The following SLC35D4 variants were observed in gnomAD, a reference collection of about 807,000 sequenced individuals.
SLC35D4 encodes the protein solute carrier family 35 member D4.
the SLC35D4 span, among the ~76,000 whole-genome samples, chr18:23,357,312 A>T: frequency 1.3e-5 from 2 of 152,154 alleles, no homozygotes. Context: ...TTGTGAAGTA[A>T]GTTCATTCTT....
the SLC35D4 span, among the ~76,000 whole-genome samples, chr18:23,410,932 T>G: frequency 3.9e-5 from 6 of 152,106 alleles, no homozygotes; most frequent in African/African-American, 1.4e-4. Flanking sequence ...AGGAACAAAC[T>G]AGGCACATGC....
chr18:23,301,565 GA>G, the SLC35D4 span, among the ~76,000 whole-genome samples: 5 of 152,326 alleles, frequency 3.3e-5, no homozygotes, highest in African/African-American at 1.2e-4. Context: ...CCTCATGGCT[GA>G]TAAACAGCGA....
the SLC35D4 span, among the ~76,000 whole-genome samples, chr18:23,399,930 G>T: frequency 6.6e-6 from 1 of 152,314 alleles, no homozygotes; most frequent in South Asian, 2.1e-4. Flanking sequence ...AACAGATCTG[G>T]TTTTTTCCAA....
chr18:23,369,882 C>T, the SLC35D4 span, among the ~76,000 whole-genome samples: 1 of 152,168 alleles, frequency 6.6e-6, no homozygotes, highest in African/African-American at 2.4e-5. Flanking sequence ...GCTCACCAAA[C>T]ATTAAGAGTT....
chr18:23,339,137 T>C, the SLC35D4 span, among the ~76,000 whole-genome samples: 4 of 152,196 alleles, frequency 2.6e-5, no homozygotes, highest in African/African-American at 9.7e-5. Flanking sequence ...GCAATCCTCC[T>C]GCCTTGGCCT....
chr18:23,391,097 G>T, the SLC35D4 span, among the ~76,000 whole-genome samples: 3 of 151,904 alleles, frequency 2.0e-5, no homozygotes, highest in African/African-American at 7.3e-5. Context: ...ATGGTGGCAG[G>T]CACCTGTAAT....
chr18:23,245,520 A>G, the SLC35D4 span, among the ~76,000 whole-genome samples: 3 of 151,420 alleles, frequency 2.0e-5, no homozygotes, highest in Admixed American at 1.3e-4. Context: ...AAAAAAAAAA[A>G]GCGAAATAGG....
the SLC35D4 span, among the ~76,000 whole-genome samples, chr18:23,329,531 G>T: frequency 6.6e-6 from 1 of 152,280 alleles, no homozygotes; most frequent in Non-Finnish European, 1.5e-5. Context: ...AGTTAGAATG[G>T]CAATCATTAA....
chr18:23,388,206 A>T, the SLC35D4 span, among the ~76,000 whole-genome samples: 1 of 152,198 alleles, frequency 6.6e-6, no homozygotes, highest in Non-Finnish European at 1.5e-5. Context: ...CTGTTTTCTC[A>T]ATCTTCCTAG....
At chr18:23,291,088 G>A in the SLC35D4 span, among the ~76,000 whole-genome samples, 4 of 152,200 alleles carry the variant, frequency 2.6e-5, no homozygotes, top group African/African-American at 9.6e-5. Flanking sequence ...AATGAATGAC[G>A]TGCTTTGAGC....
the SLC35D4 span, among the ~76,000 whole-genome samples, chr18:23,389,051 G>A: frequency 6.0e-3 from 878 of 146,562 alleles, 10 homozygotes; most frequent in African/African-American, 0.021. Flanking sequence ...GTGCAGTGGC[G>A]CCATCTTGGC....
chr18:23,287,006 C>G, the SLC35D4 span, among the ~76,000 whole-genome samples: 2 of 148,332 alleles, frequency 1.3e-5, no homozygotes, highest in Admixed American at 1.3e-4. Flanking sequence ...TTACCATCTC[C>G]TTAAAACCTA....
chr18:23,335,739 T>C, the SLC35D4 span, among the ~76,000 whole-genome samples: 1 of 152,184 alleles, frequency 6.6e-6, no homozygotes, highest in South Asian at 2.1e-4. Flanking sequence ...TTGGACACCA[T>C]ACTACAATAA....
the SLC35D4 span, among the ~76,000 whole-genome samples, chr18:23,295,250 G>C: frequency 1.3e-5 from 2 of 151,792 alleles, no homozygotes; most frequent in Non-Finnish European, 2.9e-5. Context: ...AGGAAAAATA[G>C]CCAATGCATG....
At chr18:23,261,892 A>G in the SLC35D4 span, among the ~76,000 whole-genome samples, 1 of 152,138 alleles carries the variant, frequency 6.6e-6, no homozygotes, top group Non-Finnish European at 1.5e-5. Context: ...TGCAAGTCAA[A>G]CCATCATAAG....
At chr18:23,341,703 C>T in the SLC35D4 span, among the ~76,000 whole-genome samples, 14 of 152,204 alleles carry the variant, frequency 9.2e-5, 1 homozygote, top group East Asian at 2.7e-3. Flanking sequence ...TATTCTACCA[C>T]GGAGGATCAC....
At chr18:23,256,272 C>G in the SLC35D4 span, among the ~76,000 whole-genome samples, 3 of 152,346 alleles carry the variant, frequency 2.0e-5, no homozygotes, top group South Asian at 6.2e-4. Flanking sequence ...TCCTTTCCAG[C>G]TCCAGCAGCC....
chr18:23,240,344 C>T, the SLC35D4 span, among the ~76,000 whole-genome samples: 9 of 152,256 alleles, frequency 5.9e-5, no homozygotes, highest in Middle Eastern at 6.8e-3. Flanking sequence ...CTGTAGAAGT[C>T]GTTGCCCTTC....
chr18:23,264,108 G>C, the SLC35D4 span, among the ~76,000 whole-genome samples: 1 of 152,324 alleles, frequency 6.6e-6, no homozygotes, highest in East Asian at 1.9e-4. Flanking sequence ...CTGCAACTCT[G>C]AATCAGCTTT....
Sources: allele counts gnomAD v4.1 joint callset (sites outside exome capture counted in the v4.1 genomes callset), GRCh38; gene constraint gnomAD v4.1.1; transcripts MANE v1.5; gene names NCBI Gene and HGNC (gene_info 2026-07-23, HGNC 2026-07-21).